Variants in NLRP2B observed in about 807,000 individuals in gnomAD.
The protein encoded by NLRP2B is NLR family pyrin domain-containing protein 2B.
For missense variants in NLRP2B, 25 were observed against 6.8 expected, an observed-to-expected ratio of 3.70 and a Z score of -3.00; for synonymous variants, 16 against 3.5, an observed-to-expected ratio of 4.63 and a Z score of -4.03.
In NLRP2B at chrX:57,678,293, C is replaced by T; in HGVS notation, c.*1830G>A. 1.8e-6 allele frequency: 1 copy of T among 541,588 alleles called. No homozygotes were observed. The allele number at this position is 541,588 out of a possible 1,213,427, so 44.6% of individuals were successfully genotyped here. A position where few individuals can be genotyped will look rare whatever the true frequency, so the allele number is the denominator to read the frequency against. On this transcript the variant is annotated 3_prime_UTR_variant, in exon 1 of 1. Transcript: ENST00000434992. ...TTCTCTGGGAGCTTTGCCTTTGCTG[C>T]CTGCAGTGGCATTTTCTGCAAGTTT...
rs910473285 is a variant in NLRP2B, at chrX:57,678,076, C to T, written c.*2047G>A. The T allele has an allele frequency of 6.4e-6, 3 of 466,289 alleles. No homozygotes were observed. Among genetic ancestry groups the T allele is most frequent in the Admixed American group, 3.0e-5 (1 of 33,027 alleles). The allele number at this position is 466,289 out of a possible 1,213,427, so 38.4% of individuals were successfully genotyped here. A position where few individuals can be genotyped will look rare whatever the true frequency, so the allele number is the denominator to read the frequency against. ...GTTTTTGAACATCACTCTCTGGAGACGACAGGTGTCAGAAGCTATTTGTTC... is the reference window on the plus strand; with the variant it reads ...GTTTTTGAACATCACTCTCTGGAGATGACAGGTGTCAGAAGCTATTTGTTC... On this transcript the variant is annotated 3_prime_UTR_variant, in exon 1 of 1. Coordinates refer to ENST00000434992, the MANE Select transcript of NLRP2B (RefSeq NM_001319967.1).
Position 57,678,588 on chromosome X carries a change from G to A in NLRP2B, c.*1535C>T, listed in dbSNP as rs1274776691. On this transcript the variant is annotated 3_prime_UTR_variant, in exon 1 of 1. Transcript: ENST00000434992. ...CCTTGGCTTTCTTCTCGTTGGCGAA[G>A]CCGAATAAGAAGTGTCTTGCTTGGA... 4.1e-6 allele frequency: 2 copies of A among 484,089 alleles called. No individual in the cohort carries two copies. Among genetic ancestry groups the A allele is most frequent in the Admixed American group, 5.4e-5 (2 of 37,187 alleles). The allele number at this position is 484,089 out of a possible 1,213,427, so 39.9% of individuals were successfully genotyped here.
chrX:57,679,564 T>C lies in NLRP2B; in HGVS notation c.*559A>G. 2 of 559,587 alleles carry C rather than the reference T, an allele frequency of 3.6e-6. No homozygotes were observed. Among genetic ancestry groups the C allele is most frequent in the East Asian group, 6.7e-5 (2 of 29,771 alleles). 46.1% of individuals were successfully genotyped at this position (559,587 alleles called of 1,213,427 possible). A position where few individuals can be genotyped will look rare whatever the true frequency, so the allele number is the denominator to read the frequency against. On this transcript the variant is annotated 3_prime_UTR_variant, in exon 1 of 1. Transcript: ENST00000434992. The stretch of plus-strand genomic sequence containing the variant: ...AGCCTATCTAAATTTCTGGCTGAGG[T>C]TGTCCTCTGCCCAGTCCAGCATTAA...
Position 57,679,067 on chromosome X carries a change from C to G in NLRP2B, c.*1056G>C, listed in dbSNP as rs962868719. 12 of 426,372 alleles carry G rather than the reference C, an allele frequency of 2.8e-5. No homozygotes were observed. The African/African-American group carries it at 3.0e-4, about 11-fold the overall frequency. 35.1% of individuals were successfully genotyped at this position (426,372 alleles called of 1,213,427 possible). A position where few individuals can be genotyped will look rare whatever the true frequency, so the allele number is the denominator to read the frequency against. Reference sequence around the variant, plus strand: ...GACTCATGCACATGATCCAGCACACCATGGGTGCCGAGACAGGCTGGAACA... The same window carrying G: ...GACTCATGCACATGATCCAGCACACGATGGGTGCCGAGACAGGCTGGAACA... On this transcript the variant is annotated 3_prime_UTR_variant, in exon 1 of 1. Transcript: ENST00000434992.
Position 57,678,763 on chromosome X carries a change from A to G in NLRP2B, c.*1360T>C. Reference sequence around the variant, plus strand: ...CACAGTGAAAAACTGCTGGAAGCTGAGGTGGATGTAGGAATAGCAGCCTTT... The same window carrying G: ...CACAGTGAAAAACTGCTGGAAGCTGGGGTGGATGTAGGAATAGCAGCCTTT... On this transcript the variant is annotated 3_prime_UTR_variant, in exon 1 of 1. Transcript: ENST00000434992. 2.5e-6 allele frequency: 1 copy of G among 397,629 alleles called. No individual in the cohort carries two copies. The highest frequency in any genetic ancestry group is 4.7e-6 in the Non-Finnish European group (1 of 212,537). The allele number at this position is 397,629 out of a possible 1,213,427, so 32.8% of individuals were successfully genotyped here.
chrX:57,678,449 G>C lies in NLRP2B; in HGVS notation c.*1674C>G, dbSNP rs750008636. 12 of 518,152 alleles carry C rather than the reference G, an allele frequency of 2.3e-5. No individual in the cohort carries two copies. The South Asian group carries it at 2.7e-4, about 12-fold the overall frequency. 42.7% of individuals were successfully genotyped at this position (518,152 alleles called of 1,213,427 possible). A position where few individuals can be genotyped will look rare whatever the true frequency, so the allele number is the denominator to read the frequency against. On this transcript the variant is annotated 3_prime_UTR_variant, in exon 1 of 1. Transcript: ENST00000434992. Reference sequence around the variant, plus strand: ...TGAGACTCGTACAGACAGCACAAGAGCTCCTTCGGGTTCATCATTGTTGAG... The same window carrying C: ...TGAGACTCGTACAGACAGCACAAGACCTCCTTCGGGTTCATCATTGTTGAG...
chrX:57,677,720 C>A lies in NLRP2B; in HGVS notation c.*2403G>T. 5.3e-6 allele frequency: 2 copies of A among 380,406 alleles called. No homozygotes were observed. 31.3% of individuals were successfully genotyped at this position (380,406 alleles called of 1,213,427 possible). ...TTGCCTTCTATAAAGTGACAGTTTT[C>A]CAACAACAACCTCGGCAGGAAGCAT... On this transcript the variant is annotated 3_prime_UTR_variant, in exon 1 of 1. Transcript: ENST00000434992.
rs2011730011 is a variant in NLRP2B, at chrX:57,678,397, A to G, written c.*1726T>C. 3.8e-6 allele frequency: 2 copies of G among 521,444 alleles called. No individual in the cohort carries two copies. The highest frequency in any genetic ancestry group is 4.9e-5 in the South Asian group (2 of 40,851). The allele number at this position is 521,444 out of a possible 1,213,427, so 43.0% of individuals were successfully genotyped here. On this transcript the variant is annotated 3_prime_UTR_variant, in exon 1 of 1. Coordinates refer to ENST00000434992, the MANE Select transcript of NLRP2B (RefSeq NM_001319967.1). ...CAGGGATATTTCTTTGAACGGAGCC[A>G]TCACTCCCTTCACCAGCTCCTCCTC...
At position 57,679,517 on chromosome X, in the gene NLRP2B, G is replaced by T; in HGVS notation, c.*606C>A. ...AAACTGCACGGGCCCAGGCAGATGAGCTCCTTGCAGGTGAGGTAGAAAGCC... is the reference window on the plus strand; with the variant it reads ...AAACTGCACGGGCCCAGGCAGATGATCTCCTTGCAGGTGAGGTAGAAAGCC... On this transcript the variant is annotated 3_prime_UTR_variant, in exon 1 of 1. Coordinates refer to ENST00000434992, the MANE Select transcript of NLRP2B (RefSeq NM_001319967.1). 1 of 707,990 alleles carries T rather than the reference G, an allele frequency of 1.4e-6. No individual in the cohort carries two copies. Among genetic ancestry groups the T allele is most frequent in the Non-Finnish European group, 2.2e-6 (1 of 445,507 alleles). The allele number at this position is 707,990 out of a possible 1,213,427, so 58.3% of individuals were successfully genotyped here.
Position 57,678,363 on chromosome X carries a change from A to G in NLRP2B, c.*1760T>C. On this transcript the variant is annotated 3_prime_UTR_variant, in exon 1 of 1. Transcript: ENST00000434992. Reference sequence around the variant, plus strand: ...TTGAAAACAGCATAATGTCTACTGCATTTAAGTGCAGGGATATTTCTTTGA... The same window carrying G: ...TTGAAAACAGCATAATGTCTACTGCGTTTAAGTGCAGGGATATTTCTTTGA... 1 of 528,758 alleles carries G rather than the reference A, an allele frequency of 1.9e-6. No homozygotes were observed. The highest frequency in any genetic ancestry group is 3.5e-6 in the Non-Finnish European group (1 of 286,794). The allele number at this position is 528,758 out of a possible 1,213,427, so 43.6% of individuals were successfully genotyped here. A position where few individuals can be genotyped will look rare whatever the true frequency, so the allele number is the denominator to read the frequency against.
Position 57,678,320 on chromosome X carries a change from G to A in NLRP2B, c.*1803C>T, listed in dbSNP as rs2011728962. 3 of 540,242 alleles carry A rather than the reference G, an allele frequency of 5.6e-6. No individual in the cohort carries two copies. The highest frequency in any genetic ancestry group is 4.7e-5 in the Admixed American group (2 of 42,820). 44.5% of individuals were successfully genotyped at this position (540,242 alleles called of 1,213,427 possible). ...TGCAGTGGCATTTTCTGCAAGTTTC[G>A]ACAATGCTTGAGGCAGATTGAAAAC... On this transcript the variant is annotated 3_prime_UTR_variant, in exon 1 of 1. Coordinates refer to ENST00000434992, the MANE Select transcript of NLRP2B (RefSeq NM_001319967.1).
rs928422403 is a variant in NLRP2B, at chrX:57,679,761, G to C, written c.*362C>G. The C allele has an allele frequency of 5.4e-6, 2 of 372,297 alleles. No individual in the cohort carries two copies. The highest frequency in any genetic ancestry group is 5.1e-5 in the African/African-American group (2 of 39,158). 30.7% of individuals were successfully genotyped at this position (372,297 alleles called of 1,213,427 possible). On this transcript the variant is annotated 3_prime_UTR_variant, in exon 1 of 1. Transcript: ENST00000434992. ...CAGGCCAGGTTTTCCACATTTGCCA[G>C]AACTTCGTCTTCAATATACTCCTGT... is the stretch of plus-strand genomic sequence containing the variant.
At position 57,679,249 on chromosome X, in the gene NLRP2B, G is replaced by A. The variant is rs184223927; in HGVS notation, c.*874C>T. 6.4e-5 allele frequency: 29 copies of A among 452,631 alleles called. No homozygotes were observed. Among genetic ancestry groups the A allele is most frequent in the Admixed American group, 6.0e-4 (21 of 35,147 alleles). The allele number at this position is 452,631 out of a possible 1,213,427, so 37.3% of individuals were successfully genotyped here. On this transcript the variant is annotated 3_prime_UTR_variant, in exon 1 of 1. Coordinates refer to ENST00000434992, the MANE Select transcript of NLRP2B (RefSeq NM_001319967.1). ...AACAGCCGGAGGTCTCTCAGGGCCC[G>A]CAGGCCACGTGGTGACCAGCACGGC...
At position 57,678,971 on chromosome X, in the gene NLRP2B, C is replaced by T. The variant is rs1309303268; in HGVS notation, c.*1152G>A. On this transcript the variant is annotated 3_prime_UTR_variant, in exon 1 of 1. Coordinates refer to ENST00000434992, the MANE Select transcript of NLRP2B (RefSeq NM_001319967.1). ...AGCTGTGCGCCCTGCGGGAACCGGCCGCAAAGGAAGCGCAGGAACAGCCCC... is the reference window on the plus strand; with the variant it reads ...AGCTGTGCGCCCTGCGGGAACCGGCTGCAAAGGAAGCGCAGGAACAGCCCC... 1.5e-5 allele frequency: 7 copies of T among 466,255 alleles called. No homozygotes were observed. The highest frequency in any genetic ancestry group is 1.2e-4 in the African/African-American group (5 of 40,337). The allele number at this position is 466,255 out of a possible 1,213,427, so 38.4% of individuals were successfully genotyped here. A position where few individuals can be genotyped will look rare whatever the true frequency, so the allele number is the denominator to read the frequency against.
Position 57,677,144 on chromosome X carries a change from G to A in NLRP2B, c.*2979C>T, listed in dbSNP as rs1204981969. Reference sequence around the variant, plus strand: ...TCTCAGTTATCAGCAGGCAGTTGTGGGTTGTTTTCTTCTATTTCTTCCAGC... The same window carrying A: ...TCTCAGTTATCAGCAGGCAGTTGTGAGTTGTTTTCTTCTATTTCTTCCAGC... On this transcript the variant is annotated 3_prime_UTR_variant, in exon 1 of 1. Transcript: ENST00000434992. The A allele has an allele frequency of 3.1e-6, 1 of 320,502 alleles. No homozygotes were observed. The highest frequency in any genetic ancestry group is 6.0e-6 in the Non-Finnish European group (1 of 165,806). The allele number at this position is 320,502 out of a possible 1,213,427, so 26.4% of individuals were successfully genotyped here. A position where few individuals can be genotyped will look rare whatever the true frequency, so the allele number is the denominator to read the frequency against.
chrX:57,678,910 G>T lies in NLRP2B; in HGVS notation c.*1213C>A, dbSNP rs2011738758. The T allele has an allele frequency of 2.5e-6, 1 of 408,074 alleles. No homozygotes were observed. The allele number at this position is 408,074 out of a possible 1,213,427, so 33.6% of individuals were successfully genotyped here. On this transcript the variant is annotated 3_prime_UTR_variant, in exon 1 of 1. Transcript: ENST00000434992. Reference sequence around the variant, plus strand: ...TGACATCTGCGCCCACAGGCCCTGTGCCGCCAGGAGGCTCAGCGCCCGCAG... The same window carrying T: ...TGACATCTGCGCCCACAGGCCCTGTTCCGCCAGGAGGCTCAGCGCCCGCAG...
Position 57,678,993 on chromosome X carries a change from C to G in NLRP2B, c.*1130G>C. 1 of 455,929 alleles carries G rather than the reference C, an allele frequency of 2.2e-6. No individual in the cohort carries two copies. The highest frequency in any genetic ancestry group is 2.8e-5 in the South Asian group (1 of 35,526). 37.6% of individuals were successfully genotyped at this position (455,929 alleles called of 1,213,427 possible). The stretch of plus-strand genomic sequence containing the variant: ...GGCCGCAAAGGAAGCGCAGGAACAG[C>G]CCCGTGCGGGTGGGGCGGGTCCTTC... On this transcript the variant is annotated 3_prime_UTR_variant, in exon 1 of 1. Coordinates refer to ENST00000434992, the MANE Select transcript of NLRP2B (RefSeq NM_001319967.1).
Position 57,678,104 on chromosome X carries a change from A to G in NLRP2B, c.*2019T>C, listed in dbSNP as rs746918541. On this transcript the variant is annotated 3_prime_UTR_variant, in exon 1 of 1. Transcript: ENST00000434992. ...CAGGTGTCAGAAGCTATTTGTTCAC[A>G]CAGGATCCTTACTAATGTGGCACCA... 17 of 467,993 alleles carry G rather than the reference A, an allele frequency of 3.6e-5. No homozygotes were observed. The highest frequency in any genetic ancestry group is 5.4e-5 in the Non-Finnish European group (14 of 259,139). The allele number at this position is 467,993 out of a possible 1,213,427, so 38.6% of individuals were successfully genotyped here.
chrX:57,678,627 C>T lies in NLRP2B; in HGVS notation c.*1496G>A. On this transcript the variant is annotated 3_prime_UTR_variant, in exon 1 of 1. Transcript: ENST00000434992. ...GTCTTGCTTGGATCAGGTCGGGGTT[C>T]TTGAGTCTTTCTTCTCTAGAAAACA... The T allele has an allele frequency of 2.2e-6, 1 of 448,466 alleles. No individual in the cohort carries two copies. The highest frequency in any genetic ancestry group is 4.1e-6 in the Non-Finnish European group (1 of 244,228). The allele number at this position is 448,466 out of a possible 1,213,427, so 37.0% of individuals were successfully genotyped here.
Sources: gnomAD v4.1 joint callset for allele counts on GRCh38, gnomAD v4.1.1 for gene constraint, MANE v1.5 for transcripts, NCBI Gene and HGNC (gene_info 2026-07-23, HGNC 2026-07-21) for gene names.